PDK1: variants seen among roughly 807,000 people sequenced by gnomAD.
The protein encoded by PDK1 is pyruvate dehydrogenase kinase 1, also known as [Pyruvate dehydrogenase (acetyl-transferring)] kinase isozyme 1, mitochondrial.
PDK1 carries 39 observed loss-of-function variants against 54.2 expected under a neutral mutation model. That is an observed-to-expected ratio of 0.72 (90% CI 0.56 to 0.94). The LOEUF (loss-of-function observed/expected upper bound fraction) is 0.94. Ranked by LOEUF, PDK1 falls within the 40% of genes least tolerant of loss-of-function variation. The pLI, the probability that PDK1 is intolerant of heterozygous loss-of-function variation, is 0.00. For missense variants in PDK1, 552 were observed against 566.0 expected, an observed-to-expected ratio of 0.98 and a Z score of 0.25; for synonymous variants, 221 against 207.1, an observed-to-expected ratio of 1.07 and a Z score of -0.58.
chr2:172,707,002 A>T, the PDK1 span, among the ~76,000 whole-genome samples: 1 of 152,090 alleles, frequency 6.6e-6, no homozygotes, highest in African/African-American at 2.4e-5. Context: ...GGAGGGAGTT[A>T]CTGCTTCCTT....
the PDK1 span, among the ~76,000 whole-genome samples, chr2:172,653,040 T>G: frequency 6.6e-6 from 1 of 152,160 alleles, no homozygotes; most frequent in Non-Finnish European, 1.5e-5. Flanking sequence ...AGAACAAAAC[T>G]GGAGGCATCA....
At chr2:172,626,745 A>G in the PDK1 span, among the ~76,000 whole-genome samples, 1 of 147,724 alleles carries the variant, frequency 6.8e-6, no homozygotes, top group Non-Finnish European at 1.5e-5. Flanking sequence ...GTGAGCTATG[A>G]TCATGCCACT....
chr2:172,594,059 G>T (rs568320069), intron 10 of PDK1, among the ~76,000 whole-genome samples: 1 of 143,734 alleles, frequency 7.0e-6, no homozygotes, highest in Non-Finnish European at 1.5e-5. Flanking sequence ...TTTTTGAGAC[G>T]GAGTCTTGCT....
the PDK1 span, among the ~76,000 whole-genome samples, chr2:172,652,505 A>G: frequency 1.3e-5 from 2 of 152,222 alleles, no homozygotes; most frequent in Non-Finnish European, 2.9e-5. Flanking sequence ...AGGGTATTCA[A>G]TTAGAAAAAG....
the PDK1 span, among the ~76,000 whole-genome samples, chr2:172,708,336 T>C: frequency 1.3e-5 from 2 of 151,952 alleles, no homozygotes; most frequent in African/African-American, 4.8e-5. Context: ...ATTAAAACTA[T>C]GGTTGCTAGT....
the PDK1 span, among the ~76,000 whole-genome samples, chr2:172,674,036 C>T: frequency 6.6e-6 from 1 of 152,228 alleles, no homozygotes; most frequent in African/African-American, 2.4e-5. Flanking sequence ...ACTCACTATA[C>T]ATGAAATTAA....
chr2:172,618,465 A>C, the PDK1 span, among the ~76,000 whole-genome samples: 1 of 152,230 alleles, frequency 6.6e-6, no homozygotes, highest in East Asian at 1.9e-4. Context: ...GCTTCACTTT[A>C]ATAATCATCA....
At chr2:172,592,070 T>C (rs371950837) in intron 9 of PDK1, among the ~76,000 whole-genome samples, 21 of 152,204 alleles carry the variant, frequency 1.4e-4, no homozygotes, top group Middle Eastern at 3.2e-3. Context: ...ACCTTCAGAT[T>C]TAGATCCCCT....
At chr2:172,701,789 T>C in the PDK1 span, among the ~76,000 whole-genome samples, 1 of 152,148 alleles carries the variant, frequency 6.6e-6, no homozygotes, top group East Asian at 1.9e-4. Context: ...CTCCTTATTG[T>C]TATGAGATGT....
At chr2:172,668,906 TAGAGAGAGAG>T in the PDK1 span, among the ~76,000 whole-genome samples, 208 of 130,636 alleles carry the variant, frequency 1.6e-3, no homozygotes, top group African/African-American at 4.4e-3. Flanking sequence ...TATATATATA[TAGAGAGAGAG>T]AGAGAGAGAG....
intron 8 of PDK1, among the ~76,000 whole-genome samples, chr2:172,578,364 A>G (rs1457166005): frequency 3.3e-5 from 5 of 152,046 alleles, no homozygotes; most frequent in Admixed American, 2.0e-4. Flanking sequence ...CATTTCATTT[A>G]TTGTACTTCT....
chr2:172,578,080 G>A (rs1006674376), intron 8 of PDK1, among the ~76,000 whole-genome samples: 12 of 152,136 alleles, frequency 7.9e-5, no homozygotes, highest in Admixed American at 2.6e-4. Flanking sequence ...ATTTTTGAAG[G>A]ATAGTTTTGC....
the PDK1 span, among the ~76,000 whole-genome samples, chr2:172,620,656 T>C: frequency 6.6e-6 from 1 of 152,132 alleles, no homozygotes; most frequent in African/African-American, 2.4e-5. Context: ...TTATGAATAG[T>C]GTAACACCAT....
downstream of PDK1, among the ~76,000 whole-genome samples, chr2:172,609,653 C>T (rs80065148): frequency 6.6e-5 from 10 of 152,304 alleles, no homozygotes; most frequent in East Asian, 1.5e-3. Context: ...AACGGACATG[C>T]GTGTTTCCTT....
the PDK1 span, among the ~76,000 whole-genome samples, chr2:172,712,787 G>T: frequency 6.6e-6 from 1 of 152,218 alleles, no homozygotes; most frequent in Non-Finnish European, 1.5e-5. Flanking sequence ...GGGGTGGAGG[G>T]TGTGTTTTGG....
intron 6 of PDK1, among the ~76,000 whole-genome samples, chr2:172,567,663 G>T (rs1689029462): frequency 1.3e-5 from 2 of 152,198 alleles, no homozygotes; most frequent in Non-Finnish European, 2.9e-5. Context: ...GAGCCATGAT[G>T]GTAGCATAGC....
At chr2:172,562,757 T>C in intron 3 of PDK1, 2 of 1,598,520 alleles carry the variant, frequency 1.3e-6, no homozygotes, top group Admixed American at 3.3e-5. Context: ...TAGAAGAACA[T>C]GGTTGCAGGT....
At chr2:172,711,721 C>G in the PDK1 span, among the ~76,000 whole-genome samples, 1 of 151,858 alleles carries the variant, frequency 6.6e-6, no homozygotes, top group Non-Finnish European at 1.5e-5. Flanking sequence ...AAAAAATTAG[C>G]CAGGCATGGT....
At chr2:172,557,876 A>G (rs932593167) in intron 1 of PDK1, among the ~76,000 whole-genome samples, 1 of 152,068 alleles carries the variant, frequency 6.6e-6, no homozygotes, top group Admixed American at 6.6e-5. Flanking sequence ...CTTTTGAGAC[A>G]GGGTTTTACT....
Sources: gnomAD v4.1 joint callset for allele counts (sites outside exome capture counted in the v4.1 genomes callset) on GRCh38, gnomAD v4.1.1 for gene constraint, MANE v1.5 for transcripts, NCBI Gene and HGNC (gene_info 2026-07-23, HGNC 2026-07-21) for gene names.